The following BLTP1 variants were observed in gnomAD, a reference collection of about 807,000 sequenced individuals.
The protein encoded by BLTP1 is fragile site-associated protein.
At chr4:122,171,575 T>C in the BLTP1 span, among the ~76,000 whole-genome samples, 1 of 152,062 alleles carries the variant, frequency 6.6e-6, no homozygotes, top group East Asian at 1.9e-4. Context: ...TTTATTCTTT[T>C]CCTTTTAATT....
chr4:122,169,274 C>T, the BLTP1 span, among the ~76,000 whole-genome samples: 1 of 151,978 alleles, frequency 6.6e-6, no homozygotes, highest in South Asian at 2.1e-4. Context: ...TTTGTGATGT[C>T]CAAAGATAAG....
chr4:122,189,434 A>G, the BLTP1 span: 1 of 982,290 alleles, frequency 1.0e-6, no homozygotes, highest in Non-Finnish European at 1.2e-6. Context: ...TTTGCTCTAG[A>G]TTTATTTCAA....
At chr4:122,253,870 C>G in the BLTP1 span, among the ~76,000 whole-genome samples, 1 of 152,042 alleles carries the variant, frequency 6.6e-6, no homozygotes, top group Non-Finnish European at 1.5e-5. Flanking sequence ...TCCCAAAGAT[C>G]AAGCATAAAG....
the BLTP1 span, chr4:122,349,532 C>T: frequency 3.3e-5 from 53 of 1,612,050 alleles, no homozygotes; most frequent in Non-Finnish European, 4.0e-5. This position sits in a 1 kb window ranked among gnomAD's most constrained non-coding sequence, Gnocchi z 4.5. Context: ...GTGTTGATTA[C>T]ATGGGCTCAA....
At chr4:122,305,136 C>G in the BLTP1 span, 90 of 946,318 alleles carry the variant, frequency 9.5e-5, no homozygotes, top group African/African-American at 1.4e-3. Context: ...ACTCATTTAC[C>G]TTGGCATTTC....
the BLTP1 span, chr4:122,255,192 T>G: frequency 1.9e-6 from 3 of 1,612,754 alleles, no homozygotes; most frequent in Non-Finnish European, 2.5e-6. Context: ...GTTGCTCGCT[T>G]TCTCCAAGAA....
the BLTP1 span, among the ~76,000 whole-genome samples, chr4:122,163,408 ACT>A: frequency 6.6e-6 from 1 of 152,132 alleles, no homozygotes; most frequent in Non-Finnish European, 1.5e-5. Context: ...ATTGACATTA[ACT>A]CTCTGGCGTT....
At chr4:122,255,844 G>A in the BLTP1 span, 1 of 155,040 alleles carries the variant, frequency 6.4e-6, no homozygotes, top group African/African-American at 2.4e-5. Context: ...GTAGGTGGTT[G>A]GATAGGGATA....
chr4:122,328,774 T>G, the BLTP1 span: 1 of 982,316 alleles, frequency 1.0e-6, no homozygotes, highest in Non-Finnish European at 1.2e-6. Flanking sequence ...TTAAGCAAAT[T>G]CTTAGAAGAA....
the BLTP1 span, chr4:122,254,451 G>T: frequency 7.8e-7 from 1 of 1,276,492 alleles, no homozygotes. Context: ...GGTATATATA[G>T]TATTAAGGTT....
chr4:122,320,887 C>T, the BLTP1 span, among the ~76,000 whole-genome samples: 221 of 151,600 alleles, frequency 1.5e-3, 2 homozygotes, highest in Middle Eastern at 0.01. Context: ...TTTGTCTTCT[C>T]GTTTTTCTGC....
At chr4:122,337,511 A>G in the BLTP1 span, among the ~76,000 whole-genome samples, 2 of 152,218 alleles carry the variant, frequency 1.3e-5, no homozygotes, top group South Asian at 2.1e-4. Flanking sequence ...CGCCCAGCCT[A>G]AATTGGAGAT....
the BLTP1 span, among the ~76,000 whole-genome samples, chr4:122,294,498 A>G: frequency 6.6e-6 from 1 of 152,006 alleles, no homozygotes; most frequent in Non-Finnish European, 1.5e-5. Flanking sequence ...TCTGGAGGGG[A>G]CCCCCAGCAA....
chr4:122,192,125 T>C, the BLTP1 span: 1 of 1,248,460 alleles, frequency 8.0e-7, no homozygotes, highest in South Asian at 1.7e-5. Flanking sequence ...TTTAAGAGTG[T>C]AAAGGTTTCC....
At chr4:122,254,607 CT>C in the BLTP1 span, 1,487 of 746,560 alleles carry the variant, frequency 2.0e-3, 1 homozygote, top group South Asian at 0.014. Context: ...CTCTGACAGG[CT>C]TTTTTTTTTC....
the BLTP1 span, chr4:122,204,493 T>C: frequency 3.1e-6 from 3 of 970,322 alleles, no homozygotes; most frequent in East Asian, 2.3e-4. Context: ...TTGCATGACT[T>C]GGGCAGACTT....
chr4:122,189,327 G>A, the BLTP1 span: 1 of 980,834 alleles, frequency 1.0e-6, no homozygotes, highest in Non-Finnish European at 1.2e-6. Context: ...GTATGACAAA[G>A]AGAAAAGTTG....
the BLTP1 span, among the ~76,000 whole-genome samples, chr4:122,329,807 G>A: frequency 6.6e-6 from 1 of 151,664 alleles, no homozygotes; most frequent in African/African-American, 2.4e-5. Flanking sequence ...AGTGTTATCT[G>A]TAGGCACAAT....
chr4:122,202,085 GCAATATGTT>G, the BLTP1 span: 1 of 155,128 alleles, frequency 6.4e-6, no homozygotes, highest in African/African-American at 2.4e-5. Flanking sequence ...GCCTCTTATT[GCAATATGTT>G]CAATCAAGTC....
Sources: gnomAD v4.1 joint callset for allele counts (sites outside exome capture counted in the v4.1 genomes callset) on GRCh38, gnomAD v4.1.1 for gene constraint, Gnocchi (gnomAD v3.1) non-coding constraint, MANE v1.5 for transcripts, NCBI Gene and HGNC (gene_info 2026-07-23, HGNC 2026-07-21) for gene names.